The following CNR2 variants were observed in gnomAD, a reference collection of about 807,000 sequenced individuals.
CNR2 encodes the protein cannabinoid receptor 2.
For missense variants in CNR2, 379 were observed against 439.9 expected (o/e 0.86, Z 1.24); for synonymous variants, 172 against 182.2 (o/e 0.94, Z 0.45).
chr1:23,901,833 T>C, intron 1 of CNR2: 2 of 1,607,966 alleles, frequency 1.2e-6, no homozygotes. Context: ...AATACCCTTC[T>C]GTCCACTGCA....
At chr1:23,880,390 G>A (rs1462186151) in intron 1 of CNR2, among the ~76,000 whole-genome samples, 1 of 151,858 alleles carries the variant, frequency 6.6e-6, no homozygotes, top group African/African-American at 2.4e-5. Flanking sequence ...TGTTAGTCAG[G>A]CTGGTCTTGA....
In CNR2 at chr1:23,876,256, G is replaced by T. The variant is rs149791075; in HGVS notation, c.-45-594C>A. Among the ~76,000 whole-genome samples, 1,323 of 151,632 alleles carry T rather than the reference G, an allele frequency of 8.7e-3. 14 individuals are homozygous for T. Among genetic ancestry groups the T allele is most frequent in the African/African-American group, 0.027 (1,110 of 41,278 alleles). On this transcript the variant is annotated intron_variant, in intron 1 of 1. Transcript: ENST00000374472. ...AAGTCTTGCTCTGTTGCCCAGGCTG[G>T]AGTGCAGTGGTGTGATCTCGGCTCA...
chr1:23,901,849 G>T, intron 1 of CNR2: 1 of 1,609,338 alleles, frequency 6.2e-7, no homozygotes, highest in Non-Finnish European at 8.5e-7. Flanking sequence ...CTGCAAACTG[G>T]ATGCTGTCGC....
intron 1 of CNR2, among the ~76,000 whole-genome samples, chr1:23,888,440 T>C (rs1640128019): frequency 6.6e-6 from 1 of 152,130 alleles, no homozygotes; most frequent in African/African-American, 2.4e-5. Flanking sequence ...TTACCCTGGG[T>C]CCATGGGTAG....
At chr1:23,902,066 C>G (rs1247938863) in intron 1 of CNR2, 2 of 1,545,406 alleles carry the variant, frequency 1.3e-6, no homozygotes, top group African/African-American at 2.7e-5. Flanking sequence ...GCAAACTCCT[C>G]TAGGGTCATG....
intron 1 of CNR2, among the ~76,000 whole-genome samples, chr1:23,882,088 A>AT (rs201048289): frequency 0.012 from 1,794 of 151,558 alleles, 39 homozygotes; most frequent in African/African-American, 0.041. Context: ...CGACCAGCTA[A>AT]TTTTTTGTAT....
Position 23,877,903 on chromosome 1 carries a change from G to T in CNR2, c.-45-2241C>A, listed in dbSNP as rs183612460. 4.1e-3 allele frequency among the ~76,000 whole-genome samples: 629 copies of T among 151,984 alleles called. 2 individuals are homozygous for T. The highest frequency in any genetic ancestry group is 4.9e-3 in the Non-Finnish European group (333 of 67,984). On this transcript the variant is annotated intron_variant, in intron 1 of 1. Transcript: ENST00000374472. ...TTGAACCCCGGATGCAAAGATTGCA[G>T]TGAGCTGAGATCGCACCACTGCACA...
chr1:23,899,049 C>T lies in CNR2; in HGVS notation c.-46+14197G>A, dbSNP rs937271022. On this transcript the variant is annotated intron_variant, in intron 1 of 1. Coordinates refer to ENST00000374472, the MANE Select transcript of CNR2 (RefSeq NM_001841.3). ...GAATACAATGTGATATTATGATACA[C>T]GTATCAAAATTGCTAAAAGAGTAGA... Among the ~76,000 whole-genome samples, 7 of 152,074 alleles carry T rather than the reference C, an allele frequency of 4.6e-5. No individual in the cohort carries two copies. In the East Asian group the frequency reaches 7.7e-4, roughly 17 times the overall value.
chr1:23,911,241 G>A lies in CNR2; in HGVS notation c.-46+2005C>T, dbSNP rs549341250. The stretch of plus-strand genomic sequence containing the variant: ...GATTGTCCTTGGCTGGGAGGGGACC[G>A]AGGTCTTGGGCACCTAGAATTTGCT... On this transcript the variant is annotated intron_variant, in intron 1 of 1. Transcript: ENST00000374472. 3.3e-5 allele frequency among the ~76,000 whole-genome samples: 5 copies of A among 152,100 alleles called. No individual in the cohort carries two copies. In the South Asian group the frequency reaches 8.3e-4, roughly 25 times the overall value.
In CNR2 at chr1:23,874,886, GGCC is replaced by G. The variant is rs1639840708; in HGVS notation, c.729_731del (p.Leu243_Ala244delinsPhe). 1.2e-6 allele frequency: 2 copies of G among 1,613,996 alleles called. No homozygotes were observed. Among genetic ancestry groups the G allele is most frequent in the Non-Finnish European group, 1.7e-6 (2 of 1,180,016 alleles). ...CAGCCAACACTAGCCCTAGGGTCTT[GGCC>G]AACCTCACATCCAGCCTCATTCGGG... On this transcript the variant is annotated inframe_deletion, in exon 2 of 2. Transcript: ENST00000374472.
chr1:23,909,714 C>T (rs1210000305), intron 1 of CNR2, among the ~76,000 whole-genome samples: 3 of 152,096 alleles, frequency 2.0e-5, no homozygotes, highest in Non-Finnish European at 4.4e-5. Context: ...AATTTCCTCC[C>T]CAGCGCAGGT....
At chr1:23,912,671 C>T (rs1294967549) in intron 1 of CNR2, among the ~76,000 whole-genome samples, 1 of 152,192 alleles carries the variant, frequency 6.6e-6, no homozygotes, top group African/African-American at 2.4e-5. Context: ...ACAGTAAGGC[C>T]ATCTCTGTGT....
At chr1:23,883,419 GA>G (rs1640027296) in intron 1 of CNR2, among the ~76,000 whole-genome samples, 1 of 152,202 alleles carries the variant, frequency 6.6e-6, no homozygotes, top group African/African-American at 2.4e-5. Context: ...TTTTGAAATA[GA>G]AGAACAATTC....
At chr1:23,887,251 T>C (rs1041698319) in intron 1 of CNR2, among the ~76,000 whole-genome samples, 2 of 152,158 alleles carry the variant, frequency 1.3e-5, no homozygotes, top group Non-Finnish European at 2.9e-5. Context: ...CATCCCCACT[T>C]GGCTACTTCT....
At chr1:23,889,572 C>T (rs965439824) in intron 1 of CNR2, among the ~76,000 whole-genome samples, 1 of 152,182 alleles carries the variant, frequency 6.6e-6, no homozygotes. Context: ...AGTCCTTCCA[C>T]CTCAGCCTCC....
chr1:23,872,560 C>T lies in CNR2; in HGVS notation c.*1975G>A, dbSNP rs184999585. ...GACAAAAGGTTAGTGGTTAAGAGGG[C>T]AGGCTTTGAAGTCAAACAGAACTAG... On this transcript the variant is annotated 3_prime_UTR_variant, in exon 2 of 2. Coordinates refer to ENST00000374472, the MANE Select transcript of CNR2 (RefSeq NM_001841.3). The T allele has an allele frequency of 5.2e-4, 79 of 152,174 alleles. No homozygotes were observed. The highest frequency in any genetic ancestry group is 1.9e-3 in the African/African-American group (77 of 41,528). 9.4% of individuals were successfully genotyped at this position (152,174 alleles called of 1,614,324 possible). A position where few individuals can be genotyped will look rare whatever the true frequency, so the allele number is the denominator to read the frequency against.
rs1368656711 is a variant in CNR2 at position 23,906,549 on chromosome 1, T to TC, written c.-46+6696_-46+6697insG. On this transcript the variant is annotated intron_variant, in intron 1 of 1. Transcript: ENST00000374472. ...CCTATCTTTCTTTTTTTTCTTTCTT[T>TC]TTTTTTTTTTAGAGATGGAGTTTTG... Among the ~76,000 whole-genome samples the TC allele has an allele frequency of 1.3e-4, 20 of 149,820 alleles. No homozygotes were observed. The East Asian group carries it at 2.7e-3, about 20-fold the overall frequency.
At chr1:23,892,818 C>T (rs1640211869) in intron 1 of CNR2, among the ~76,000 whole-genome samples, 1 of 152,060 alleles carries the variant, frequency 6.6e-6, no homozygotes, top group African/African-American at 2.4e-5. Flanking sequence ...GAGTTAGAAA[C>T]CAGCCTGGCC....
chr1:23,876,795 A>G (rs978611904), intron 1 of CNR2, among the ~76,000 whole-genome samples: 1 of 149,530 alleles, frequency 6.7e-6, no homozygotes, highest in Admixed American at 6.8e-5. Context: ...AGACTGTGCC[A>G]TTGCACTCCA....
Sources: allele counts gnomAD v4.1 joint callset (sites outside exome capture counted in the v4.1 genomes callset), GRCh38; gene constraint gnomAD v4.1.1; transcripts MANE v1.5; gene names NCBI Gene and HGNC (gene_info 2026-07-23, HGNC 2026-07-21).